Variants in MAD1L1 observed in about 807,000 individuals in gnomAD.
MAD1L1 encodes mitotic spindle assembly checkpoint protein MAD1.
In MAD1L1, 95 loss-of-function variants were observed where a neutral mutation model predicts 96.9. That is an observed-to-expected ratio of 0.98 (90% CI 0.83 to 1.16). The LOEUF (loss-of-function observed/expected upper bound fraction) is 1.16. Among genes scored for constraint, MAD1L1 ranks in the 50% most tolerant of loss-of-function variants. MAD1L1 has a pLI of 0.00. For synonymous variants in MAD1L1, 473 were observed against 396.6 expected, an observed-to-expected ratio of 1.19 and a Z score of -2.29; for missense variants, 1,007 against 954.4, an observed-to-expected ratio of 1.06 and a Z score of -0.73.
intron 18 of MAD1L1, among the ~76,000 whole-genome samples, chr7:1,818,234 C>T (rs1367762254): frequency 1.3e-5 from 2 of 152,124 alleles, no homozygotes; most frequent in Non-Finnish European, 2.9e-5. Flanking sequence ...CCTTCGCCCT[C>T]CTCCCAACCC....
chr7:2,097,389 G>GA (rs1786548490), intron 11 of MAD1L1, among the ~76,000 whole-genome samples: 17 of 152,194 alleles, frequency 1.1e-4, no homozygotes, highest in Admixed American at 9.2e-4. Flanking sequence ...CAGGCAGCGA[G>GA]GACGTGGGGG....
At chr7:2,078,235 G>A (rs915278069) in intron 11 of MAD1L1, among the ~76,000 whole-genome samples, 1 of 152,192 alleles carries the variant, frequency 6.6e-6, no homozygotes, top group Non-Finnish European at 1.5e-5. Flanking sequence ...GGGACCTACA[G>A]GGTTGAGAGG....
chr7:2,162,416 C>A (rs553975404), intron 10 of MAD1L1, among the ~76,000 whole-genome samples: 2 of 151,932 alleles, frequency 1.3e-5, no homozygotes, highest in African/African-American at 2.4e-5. Flanking sequence ...CATCACCACT[C>A]CCTAATCTCA....
At chr7:1,976,854 T>C (rs564167223) in intron 15 of MAD1L1, among the ~76,000 whole-genome samples, 19 of 152,138 alleles carry the variant, frequency 1.2e-4, no homozygotes, top group African/African-American at 3.1e-4. Flanking sequence ...AGGGTGCTGA[T>C]TGGTGTATTT....
chr7:2,044,595 G>A (rs972731809), intron 12 of MAD1L1, among the ~76,000 whole-genome samples: 1 of 152,152 alleles, frequency 6.6e-6, no homozygotes, highest in Non-Finnish European at 1.5e-5. Context: ...GCGGCCGGGA[G>A]GTCTGGGTCC....
chr7:2,177,076 CA>C (rs3839701), intron 10 of MAD1L1, among the ~76,000 whole-genome samples: 48,944 of 152,066 alleles, frequency 0.32, 8,569 homozygotes, highest in East Asian at 0.56. Flanking sequence ...TCAATGCCTT[CA>C]CATTCCATAA....
At chr7:1,892,584 CAAT>C (rs1332355726) in intron 18 of MAD1L1, among the ~76,000 whole-genome samples, 2 of 152,170 alleles carry the variant, frequency 1.3e-5, no homozygotes, top group Non-Finnish European at 2.9e-5. Flanking sequence ...GACAGACCCA[CAAT>C]AAAAAAAGCT....
At chr7:1,847,147 T>A (rs1461993034) in intron 18 of MAD1L1, 1 of 391,470 alleles carries the variant, frequency 2.6e-6, no homozygotes, top group Non-Finnish European at 5.2e-6. Flanking sequence ...GGCCTCTGAC[T>A]TTCCCGTCTG....
At chr7:2,064,974 G>A (rs1784818556) in intron 12 of MAD1L1, among the ~76,000 whole-genome samples, 1 of 152,002 alleles carries the variant, frequency 6.6e-6, no homozygotes, top group African/African-American at 2.4e-5. Context: ...CTCCCGGGAG[G>A]ATGGTGGCTT....
intron 17 of MAD1L1, among the ~76,000 whole-genome samples, chr7:1,910,387 C>T (rs534135118): frequency 3.3e-5 from 5 of 152,344 alleles, no homozygotes; most frequent in African/African-American, 1.2e-4. Context: ...TGGCCAGCAA[C>T]AGGACTACAG....
chr7:2,103,211 C>T lies in MAD1L1; in HGVS notation c.1074-33873G>A, dbSNP rs1361885950. 2.0e-5 allele frequency among the ~76,000 whole-genome samples: 3 copies of T among 152,176 alleles called. No individual in the cohort carries two copies. The highest frequency in any genetic ancestry group is 4.8e-5 in the African/African-American group (2 of 41,452). The stretch of plus-strand genomic sequence containing the variant: ...TCCGACCACGCTTCAGCTCTCAGCC[C>T]ACATGGTGTGTCCAGAGGGAGGCCG... On this transcript the variant is annotated intron_variant, in intron 11 of 18. Coordinates refer to ENST00000265854, the MANE Select transcript of MAD1L1 (RefSeq NM_001013836.2). This position sits in a 1 kb window ranked among gnomAD's most constrained non-coding sequence, Gnocchi z 4.3.
intron 15 of MAD1L1, among the ~76,000 whole-genome samples, chr7:1,967,233 C>CA (rs1408671143): frequency 6.6e-6 from 1 of 152,190 alleles, no homozygotes; most frequent in Non-Finnish European, 1.5e-5. Flanking sequence ...CCAGAGCAAA[C>CA]ACTCAAAACA....
At chr7:2,169,211 C>A (rs942783658) in intron 10 of MAD1L1, among the ~76,000 whole-genome samples, 2 of 152,108 alleles carry the variant, frequency 1.3e-5, no homozygotes, top group Admixed American at 1.3e-4. Flanking sequence ...CAGGACTGCA[C>A]CTTTTAAAGT....
At chr7:2,006,279 C>G (rs1227510475) in intron 13 of MAD1L1, among the ~76,000 whole-genome samples, 1 of 151,892 alleles carries the variant, frequency 6.6e-6, no homozygotes, top group Non-Finnish European at 1.5e-5. Context: ...TTCCAAGTAA[C>G]AAAAAAGAAT....
At chr7:2,220,249 G>A (rs950121010) in intron 5 of MAD1L1, among the ~76,000 whole-genome samples, 1 of 152,178 alleles carries the variant, frequency 6.6e-6, no homozygotes, top group Non-Finnish European at 1.5e-5. Context: ...CTGGGGAGGC[G>A]GCCCCTGAGC....
chr7:2,182,611 G>T (rs554035659), intron 10 of MAD1L1, among the ~76,000 whole-genome samples: 2 of 152,334 alleles, frequency 1.3e-5, no homozygotes, highest in African/African-American at 4.8e-5. Context: ...TGACACAATG[G>T]GGTATGACCA....
At chr7:1,906,761 C>T (rs1179555985) in intron 17 of MAD1L1, among the ~76,000 whole-genome samples, 3 of 152,226 alleles carry the variant, frequency 2.0e-5, no homozygotes, top group Non-Finnish European at 4.4e-5. Context: ...GTGTTGAACA[C>T]GCAGGTGAGC....
chr7:1,823,541 G>A (rs1782236688), intron 18 of MAD1L1, among the ~76,000 whole-genome samples: 2 of 152,146 alleles, frequency 1.3e-5, no homozygotes, highest in Admixed American at 1.3e-4. Context: ...CACCTGGAGG[G>A]GTGACTGCAG....
chr7:2,215,568 G>A (rs1357761052), intron 9 of MAD1L1, among the ~76,000 whole-genome samples: 3 of 151,866 alleles, frequency 2.0e-5, no homozygotes, highest in South Asian at 2.1e-4. Context: ...CTTGTGGCCC[G>A]TCCTCCATCT....
Sources: gnomAD v4.1 joint callset for allele counts (sites outside exome capture counted in the v4.1 genomes callset) on GRCh38, gnomAD v4.1.1 for gene constraint, Gnocchi (gnomAD v3.1) non-coding constraint, MANE v1.5 for transcripts, NCBI Gene and HGNC (gene_info 2026-07-23, HGNC 2026-07-21) for gene names.